CYP4V2: variants seen among roughly 807,000 people sequenced by gnomAD.
The protein encoded by CYP4V2 is cytochrome P450 family 4 subfamily V member 2, also known as cytochrome P450 4V2.
A neutral mutation model predicts 60.8 loss-of-function variants in CYP4V2; 55 were observed. The observed-to-expected ratio is 0.90, with a 90% CI of 0.73 to 1.13. The LOEUF is 1.13. CYP4V2 is among the 50% of genes most tolerant of loss of function. CYP4V2 has a pLI of 0.00. For synonymous variants in CYP4V2, 239 were observed against 236.8 expected, an observed-to-expected ratio of 1.01 and a Z score of -0.08; for missense variants, 675 against 662.9, an observed-to-expected ratio of 1.02 and a Z score of -0.20.
chr4:186,191,848 G>C lies in CYP4V2; in HGVS notation c.25G>C (p.Val9Leu), dbSNP rs1683463029. Residue 9 changes from valine (V) to leucine (L), a missense_variant, in exon 1 of 11, where the codon GTG becomes CTG. Val to Leu is a conservative substitution (Grantham distance 32). Transcript: ENST00000378802. MAGLWLGL[V>L]WQKLLLWGAA... ...GATGGCGGGGCTCTGGCTGGGGCTCGTGTGGCAGAAGCTGCTGCTGTGGGG... is the reference window on the plus strand; with the variant it reads ...GATGGCGGGGCTCTGGCTGGGGCTCCTGTGGCAGAAGCTGCTGCTGTGGGG... 14 of 1,577,402 alleles carry C rather than the reference G, an allele frequency of 8.9e-6. No individual in the cohort carries two copies. Among genetic ancestry groups the C allele is most frequent in the Non-Finnish European group, 1.2e-5 (14 of 1,167,726 alleles).
rs1489291710 is a variant in CYP4V2, at chr4:186,199,060, A to T, written c.778A>T (p.Ile260Phe). 3.8e-5 allele frequency: 61 copies of T among 1,613,968 alleles called. No individual in the cohort carries two copies. The highest frequency in any genetic ancestry group is 5.1e-5 in the Non-Finnish European group (60 of 1,179,844). The change falls in exon 6 of 11, where the codon ATC (isoleucine) becomes TTC (phenylalanine). Residue 260 changes from isoleucine (I) to phenylalanine (F), a missense_variant. Ile to Phe is a conservative substitution (Grantham distance 21). Transcript: ENST00000378802. ...EGWEHKKSLQ[I>F]LHTFTNSVIA... ...ATGGGAACACAAAAAGAGCCTTCAG[A>T]TCCTACATACTTTTACCAACAGTGT... is the stretch of plus-strand genomic sequence containing the variant.
At chr4:186,196,539 G>A (rs1418587058) in intron 3 of CYP4V2, 4 of 287,822 alleles carry the variant, frequency 1.4e-5, no homozygotes. Flanking sequence ...CAGGGACTTT[G>A]GAGAACTGGA....
chr4:186,195,372 T>C lies in CYP4V2; in HGVS notation c.328-631T>C, dbSNP rs72646249. ...GCTGTTGGCCTAGTGTTAATAGAAG[T>C]TGGTGTGGTGGATGCAGATGGAGAT... is the stretch of plus-strand genomic sequence containing the variant. On this transcript the variant is annotated intron_variant, in intron 2 of 10. Transcript: ENST00000378802. This position sits in a 1 kb window ranked among gnomAD's most constrained non-coding sequence, Gnocchi z 4.1. Among the ~76,000 whole-genome samples, 1,508 of 152,278 alleles carry C rather than the reference T, an allele frequency of 9.9e-3. 27 individuals are homozygous for C. Among genetic ancestry groups the C allele is most frequent in the African/African-American group, 0.035 (1,438 of 41,542 alleles).
At chr4:186,205,445 A>G (rs1736470095) in intron 8 of CYP4V2, 143 bp downstream of exon 8, 4 of 848,392 alleles carry the variant, frequency 4.7e-6, no homozygotes, top group Admixed American at 1.9e-5. Context: ...GGCCTCGTCC[A>G]TTCACTCACA....
At chr4:186,204,648 A>C (rs1736442628) in intron 7 of CYP4V2, 1 of 200,364 alleles carries the variant, frequency 5.0e-6, no homozygotes. Flanking sequence ...TGTAAAGAAC[A>C]GTAATGAGTC....
Position 186,209,131 on chromosome 4 carries a change from A to G in CYP4V2, c.1264A>G (p.Ile422Val). ...TCTAAAAGGCACTGAAGCCGTCATC[A>G]TTCCCTATGCATTGCACAGAGATCC... ...RVLKGTEAVI[I>V]PYALHRDPRY... Residue 422 changes from isoleucine (I) to valine (V), a missense_variant, in exon 10 of 11, where the codon ATT becomes GTT. Physicochemically the swap from Ile to Val is conservative, Grantham distance 29. Transcript: ENST00000378802. 3 of 1,614,172 alleles carry G rather than the reference A, an allele frequency of 1.9e-6. No homozygotes were observed. Among genetic ancestry groups the G allele is most frequent in the African/African-American group, 1.3e-5 (1 of 75,040 alleles).
chr4:186,211,839 T>C lies in CYP4V2; in HGVS notation c.*1198T>C, dbSNP rs945288618. On this transcript the variant is annotated 3_prime_UTR_variant, in exon 11 of 11. Coordinates refer to ENST00000378802, the MANE Select transcript of CYP4V2 (RefSeq NM_207352.4). ...TTTTATAACCTGGAGCAGATTATTT[T>C]AAGTTGATTAGTAGGTTCTGTTACA... The C allele has an allele frequency of 2.6e-4, 39 of 152,212 alleles. No homozygotes were observed. Among genetic ancestry groups the C allele is most frequent in the African/African-American group, 9.2e-4 (38 of 41,446 alleles). 9.4% of individuals were successfully genotyped at this position (152,212 alleles called of 1,614,324 possible).
Position 186,210,457 on chromosome 4 carries a change from AT to A in CYP4V2, c.1406-10del. The A allele has an allele frequency of 6.2e-7, 1 of 1,614,168 alleles. No individual in the cohort carries two copies. Among genetic ancestry groups the A allele is most frequent in the Non-Finnish European group, 8.5e-7 (1 of 1,180,030 alleles). On this transcript the variant is annotated splice_polypyrimidine_tract_variant and intron_variant, in intron 10 of 10. Transcript: ENST00000378802. Reference sequence around the variant, plus strand: ...CTATAACTAAAGCGATGGTATCTACATTAATTTGAAGGTCAAAAGTTTGCTG... The same window carrying A: ...CTATAACTAAAGCGATGGTATCTACATAATTTGAAGGTCAAAAGTTTGCTG...
chr4:186,205,302 G>A lies in CYP4V2; in HGVS notation c.1090G>A (p.Gly364Arg), dbSNP rs1397702839. ...KVDHELDDVF[G>R]KSDRPATVED... The stretch of plus-strand genomic sequence containing the variant: ...GGATCATGAATTGGATGACGTGTTT[G>A]GTATGTTTGGCCCCTTCACTGGTTA... The change falls in exon 8 of 11, where the codon GGG (glycine) becomes AGG (arginine). Residue 364 changes from glycine to arginine, a missense_variant and splice_region_variant. Physicochemically the swap from Gly to Arg is moderately radical, Grantham distance 125. Transcript: ENST00000378802. The A allele has an allele frequency of 2.5e-6, 4 of 1,613,908 alleles. No individual in the cohort carries two copies. The East Asian group carries it at 8.9e-5, about 36-fold the overall frequency.
At chr4:186,204,515 C>A (rs1018529267) in intron 7 of CYP4V2, 4 of 183,932 alleles carry the variant, frequency 2.2e-5, no homozygotes, top group South Asian at 8.5e-5. Context: ...ATGGCGTGGG[C>A]TCAGCTGGCT....
At chr4:186,199,969 C>A (rs964721252) in intron 6 of CYP4V2, among the ~76,000 whole-genome samples, 1 of 152,056 alleles carries the variant, frequency 6.6e-6, no homozygotes, top group Non-Finnish European at 1.5e-5. Flanking sequence ...ATGAATAAAT[C>A]AGTAGATGTT....
chr4:186,204,275 G>T (rs1235245234), intron 7 of CYP4V2: 2 of 159,116 alleles, frequency 1.3e-5, no homozygotes, highest in African/African-American at 4.9e-5. Context: ...CGTAAGACGC[G>T]GCGGTGGAGA....
intron 3 of CYP4V2, 129 bp downstream of exon 3, chr4:186,196,217 G>A (rs1026432968): frequency 1.1e-6 from 1 of 878,456 alleles, no homozygotes; most frequent in African/African-American, 1.7e-5. Context: ...GGAGGAGAAA[G>A]GCTGGAAAGG....
In CYP4V2 at chr4:186,197,343, A is replaced by T. The variant is rs892925572; in HGVS notation, c.605-190A>T. 9 of 843,452 alleles carry T rather than the reference A, an allele frequency of 1.1e-5. No homozygotes were observed. In the Admixed American group the frequency reaches 1.8e-4, roughly 17 times the overall value. The allele number at this position is 843,452 out of a possible 1,614,324, so 52.2% of individuals were successfully genotyped here. A position where few individuals can be genotyped will look rare whatever the true frequency, so the allele number is the denominator to read the frequency against. ...ATGGAGCAACTGCCCAGGGAGGCGAAGGGAAGGAAGAACAGGAACAGGGAG... is the reference window on the plus strand; with the variant it reads ...ATGGAGCAACTGCCCAGGGAGGCGATGGGAAGGAAGAACAGGAACAGGGAG... On this transcript the variant is annotated intron_variant, in intron 4 of 10. Transcript: ENST00000378802.
chr4:186,193,422 C>T (rs1189480978), intron 1 of CYP4V2, among the ~76,000 whole-genome samples: 1 of 152,184 alleles, frequency 6.6e-6, no homozygotes, highest in East Asian at 1.9e-4. Context: ...CGAATACTGT[C>T]TTTTACAAAG....
intron 3 of CYP4V2, 72 bp from the exon 4 acceptor site, chr4:186,196,868 T>C: frequency 6.7e-7 from 1 of 1,489,760 alleles, no homozygotes; most frequent in East Asian, 2.3e-5. Flanking sequence ...TTAATCGTTT[T>C]GGATGTTACT....
At chr4:186,202,629 CTT>C (rs1579968910) in intron 7 of CYP4V2, 1 of 150,658 alleles carries the variant, frequency 6.6e-6, no homozygotes, top group African/African-American at 2.5e-5. Context: ...CATGCACACA[CTT>C]ACACACACAC....
intron 6 of CYP4V2, among the ~76,000 whole-genome samples, chr4:186,200,843 A>G (rs576845784): frequency 2.0e-5 from 3 of 151,964 alleles, no homozygotes; most frequent in South Asian, 4.1e-4. Context: ...ACTTTTTCTC[A>G]TTAGCGCAAT....
rs1274024315 is a variant in CYP4V2, at chr4:186,209,197, T to A, written c.1330T>A (p.Phe444Ile). The A allele has an allele frequency of 1.2e-6, 2 of 1,613,946 alleles. No homozygotes were observed. The highest frequency in any genetic ancestry group is 2.7e-5 in the African/African-American group (2 of 74,874). Residue 444 changes from phenylalanine (F) to isoleucine (I), a missense_variant, in exon 10 of 11, where the codon TTC becomes ATC. By Grantham distance (21) the Phe-to-Ile change is conservative. Transcript: ENST00000378802. ...CCCCGAGGAGTTCCAGCCTGAGCGG[T>A]TCTTCCCCGAGAATGCACAAGGGCG... is the stretch of plus-strand genomic sequence containing the variant. ...PNPEEFQPER[F>I]FPENAQGRHP...
Sources: allele counts gnomAD v4.1 joint callset (sites outside exome capture counted in the v4.1 genomes callset), GRCh38; gene constraint gnomAD v4.1.1; non-coding constraint Gnocchi (gnomAD v3.1); transcripts MANE v1.5; gene names NCBI Gene and HGNC (gene_info 2026-07-23, HGNC 2026-07-21).